The following WDR76 variants were observed in gnomAD, a reference collection of about 807,000 sequenced individuals.
The protein encoded by WDR76 is WD repeat domain 76.
In WDR76, 52 loss-of-function variants were observed where a neutral mutation model predicts 70.2. The ratio of observed to expected loss-of-function variants is 0.74; its 90% CI spans 0.59 to 0.93. WDR76 has a LOEUF of 0.93. Among genes scored for constraint, WDR76 ranks in the 40% least tolerant of loss-of-function variants. The pLI, the probability that WDR76 is intolerant of heterozygous loss-of-function variation, is 0.00. For missense variants in WDR76, 756 were observed against 760.2 expected (o/e 0.99, Z 0.07); for synonymous variants, 292 against 271.1 (o/e 1.08, Z -0.76).
chr15:43,830,520 C>T (rs2087574100), intron 2 of WDR76, among the ~76,000 whole-genome samples: 1 of 145,400 alleles, frequency 6.9e-6, no homozygotes, highest in African/African-American at 2.6e-5. Context: ...CGAGATCGTG[C>T]TGTTGCACTC....
intron 8 of WDR76, among the ~76,000 whole-genome samples, chr15:43,844,771 G>A (rs2140303889): frequency 7.1e-6 from 1 of 140,676 alleles, no homozygotes; most frequent in South Asian, 2.3e-4. Context: ...TACTAAAAAT[G>A]GAACAAATTA....
At chr15:43,856,324 G>A (rs894810760) in intron 9 of WDR76, among the ~76,000 whole-genome samples, 1 of 142,994 alleles carries the variant, frequency 7.0e-6, no homozygotes, top group African/African-American at 2.9e-5. Context: ...CTGATTAACT[G>A]TCAAAAATGT....
At chr15:43,857,347 A>C (rs2087941161) in intron 10 of WDR76, among the ~76,000 whole-genome samples, 184 bp downstream of exon 10, 1 of 152,148 alleles carries the variant, frequency 6.6e-6, no homozygotes, top group South Asian at 2.1e-4. Context: ...GAAAATGAAA[A>C]ATTCTTTTAG....
intron 9 of WDR76, among the ~76,000 whole-genome samples, chr15:43,854,116 G>A (rs1004628648): frequency 6.6e-6 from 1 of 152,120 alleles, no homozygotes; most frequent in Non-Finnish European, 1.5e-5. Flanking sequence ...ATGTGAAATG[G>A]TAAAGTTGGT....
intron 12 of WDR76, among the ~76,000 whole-genome samples, chr15:43,865,462 G>A (rs1265647117): frequency 6.6e-6 from 1 of 152,120 alleles, no homozygotes; most frequent in African/African-American, 2.4e-5. Context: ...TAGTAGAGAC[G>A]GGGTTTCACC....
chr15:43,842,484 G>T lies in WDR76; in HGVS notation c.802G>T (p.Gly268Ter). 1 of 1,614,028 alleles carries T rather than the reference G, an allele frequency of 6.2e-7. No homozygotes were observed. Among genetic ancestry groups the T allele is most frequent in the African/African-American group, 1.3e-5 (1 of 75,032 alleles). ...AGAAGACAACAATGAACGATTTAAAGGATTTCTGCACACATGGGCAGGAAT... is the reference window on the plus strand; with the variant it reads ...AGAAGACAACAATGAACGATTTAAATGATTTCTGCACACATGGGCAGGAAT... ...NQEDNNERFK[G>*]FLHTWAGMSK... Residue 268 changes from glycine to a stop codon, truncating the protein, a stop_gained, in exon 6 of 13, where the codon GGA becomes TGA. Transcript: ENST00000263795. LOFTEE classifies it high-confidence loss of function.
intron 12 of WDR76, among the ~76,000 whole-genome samples, chr15:43,864,616 C>T (rs1200217862): frequency 1.3e-5 from 2 of 150,468 alleles, no homozygotes; most frequent in Non-Finnish European, 3.0e-5. Flanking sequence ...TTTTTTTAAA[C>T]GGAGTCTTGC....
In WDR76 at chr15:43,864,338, C is replaced by G. The variant is rs181090923; in HGVS notation, c.1617-1790C>G. Reference sequence around the variant, plus strand: ...TTTTTGAGGAACCTCATACTGTTTTCCATTATGGCTGCACCAATTTACATT... The same window carrying G: ...TTTTTGAGGAACCTCATACTGTTTTGCATTATGGCTGCACCAATTTACATT... On this transcript the variant is annotated intron_variant, in intron 12 of 12. Transcript: ENST00000263795. Among the ~76,000 whole-genome samples, 176 of 152,156 alleles carry G rather than the reference C, an allele frequency of 1.2e-3. 1 individual carries two copies. Among genetic ancestry groups the G allele is most frequent in the Admixed American group, 3.1e-3 (48 of 15,288 alleles).
intron 5 of WDR76, among the ~76,000 whole-genome samples, chr15:43,840,423 A>G (rs1313367727): frequency 6.6e-6 from 1 of 152,184 alleles, no homozygotes; most frequent in Non-Finnish European, 1.5e-5. Context: ...GGGCTTAGTA[A>G]TCAATAGAAT....
At chr15:43,865,816 T>C (rs2088063138) in intron 12 of WDR76, among the ~76,000 whole-genome samples, 2 of 152,218 alleles carry the variant, frequency 1.3e-5, no homozygotes, top group South Asian at 2.1e-4. Flanking sequence ...GTCCATACTT[T>C]AATGAAAAAG....
At chr15:43,834,690 A>T (rs914790651) in intron 2 of WDR76, among the ~76,000 whole-genome samples, 6 of 152,040 alleles carry the variant, frequency 3.9e-5, no homozygotes, top group Admixed American at 3.3e-4. Flanking sequence ...CAGGTGTTCC[A>T]TCCACTTCAG....
chr15:43,833,970 T>A (rs1416917471), intron 2 of WDR76, among the ~76,000 whole-genome samples: 1 of 152,150 alleles, frequency 6.6e-6, no homozygotes, highest in Non-Finnish European at 1.5e-5. Context: ...TTGATTCTCT[T>A]CCAATTTCTC....
chr15:43,834,298 C>CTT (rs971086051), intron 2 of WDR76, among the ~76,000 whole-genome samples: 36 of 132,138 alleles, frequency 2.7e-4, no homozygotes, highest in East Asian at 6.6e-4. Flanking sequence ...AAAAAAATAA[C>CTT]TTTTTTTTTT....
At chr15:43,838,540 G>A (rs1169277261) in intron 4 of WDR76, among the ~76,000 whole-genome samples, 3 of 152,062 alleles carry the variant, frequency 2.0e-5, no homozygotes, top group Admixed American at 6.6e-5. Flanking sequence ...ATATTGTTTA[G>A]CTTTGTCTTT....
At chr15:43,857,750 C>T (rs1286085506) in intron 10 of WDR76, among the ~76,000 whole-genome samples, 12 of 136,798 alleles carry the variant, frequency 8.8e-5, no homozygotes, top group Admixed American at 5.0e-4. Flanking sequence ...ACACAGGAGG[C>T]GGAAGTTGCA....
intron 3 of WDR76, 33 bp from the exon 4 acceptor site, chr15:43,836,128 A>G (rs773672234): frequency 1.3e-6 from 2 of 1,589,888 alleles, no homozygotes; most frequent in African/African-American, 1.4e-5. Flanking sequence ...ATACGTAGTT[A>G]TAACATTTTT....
At chr15:43,857,549 G>A (rs1567191943) in intron 10 of WDR76, 2 of 985,278 alleles carry the variant, frequency 2.0e-6, no homozygotes, top group East Asian at 1.1e-4. Flanking sequence ...GCTGGGCGTG[G>A]TGGCTCATGC....
rs577354755 is a variant in WDR76 at position 43,852,003 on chromosome 15, A to G, written c.1191+758A>G. Among the ~76,000 whole-genome samples the G allele has an allele frequency of 9.7e-4, 148 of 152,322 alleles. 1 individual carries two copies. Among genetic ancestry groups the G allele is most frequent in the Non-Finnish European group, 1.0e-4 (7 of 68,028 alleles). ...CTTGAGCCCAGGAGATTGAGGCTGT[A>G]GTAAAGCCGTGATCACATACATCAT... On this transcript the variant is annotated intron_variant, in intron 9 of 12. Coordinates refer to ENST00000263795, the MANE Select transcript of WDR76 (RefSeq NM_024908.4).
chr15:43,859,365 T>C (rs912806437), intron 11 of WDR76, among the ~76,000 whole-genome samples: 2 of 152,156 alleles, frequency 1.3e-5, no homozygotes, highest in African/African-American at 4.8e-5. Context: ...CAGAAAACAG[T>C]GTCAATAAAG....
Sources: allele counts gnomAD v4.1 joint callset (sites outside exome capture counted in the v4.1 genomes callset), GRCh38; gene constraint gnomAD v4.1.1; transcripts MANE v1.5; gene names NCBI Gene and HGNC (gene_info 2026-07-23, HGNC 2026-07-21).